The following MAN2A1 variants were observed in gnomAD, a reference collection of about 807,000 sequenced individuals.
MAN2A1 encodes alpha-mannosidase 2.
In MAN2A1, 76 loss-of-function variants were observed where a neutral mutation model predicts 142.6. That is an observed-to-expected ratio of 0.53 (90% CI 0.44 to 0.65). MAN2A1 has a LOEUF of 0.65. MAN2A1 is among the 30% of genes least tolerant of loss of function. The pLI is 0.00. For missense variants in MAN2A1, 1,311 were observed against 1,365.1 expected (o/e 0.96, Z 0.62); for synonymous variants, 559 against 473.2 (o/e 1.18, Z -2.35).
chr5:109,858,715 A>T (rs185713954), intron 20 of MAN2A1, among the ~76,000 whole-genome samples: 1 of 152,260 alleles, frequency 6.6e-6, no homozygotes, highest in African/African-American at 2.4e-5. Context: ...CCTTAGCATG[A>T]TAAGGACGCA....
At chr5:109,823,641 A>G (rs1561530336) in intron 15 of MAN2A1, 82 bp from the exon 16 acceptor site, 17 of 734,924 alleles carry the variant, frequency 2.3e-5, no homozygotes, top group South Asian at 6.5e-5. Flanking sequence ...CGTATTTTCT[A>G]TTTTTGAAAC....
intron 5 of MAN2A1, among the ~76,000 whole-genome samples, chr5:109,756,408 A>G (rs2112629150): frequency 6.6e-6 from 1 of 152,304 alleles, no homozygotes; most frequent in Non-Finnish European, 1.5e-5. Flanking sequence ...ATGTAAGTAT[A>G]TGTGTTTTTT....
chr5:109,758,018 T>C (rs527777521), intron 5 of MAN2A1, among the ~76,000 whole-genome samples: 1 of 152,252 alleles, frequency 6.6e-6, no homozygotes, highest in African/African-American at 2.4e-5. Context: ...TTTAAAAGTT[T>C]TTGTGTGACT....
intron 4 of MAN2A1, among the ~76,000 whole-genome samples, chr5:109,735,294 A>G (rs1159519378): frequency 6.6e-6 from 1 of 152,116 alleles, no homozygotes; most frequent in Non-Finnish European, 1.5e-5. Context: ...TTTCCTGAAT[A>G]CAGCACACTG....
chr5:109,841,807 C>T (rs1755212326), intron 16 of MAN2A1, among the ~76,000 whole-genome samples: 1 of 152,224 alleles, frequency 6.6e-6, no homozygotes. Flanking sequence ...GTTAATATTA[C>T]TTTCAGCCAT....
rs1264389084 is a variant in MAN2A1, at chr5:109,847,805, C to G, written c.2976+15C>G. 1 of 1,496,586 alleles carries G rather than the reference C, an allele frequency of 6.7e-7. No individual in the cohort carries two copies. Among genetic ancestry groups the G allele is most frequent in the Non-Finnish European group, 8.9e-7 (1 of 1,119,138 alleles). 92.7% of individuals were successfully genotyped at this position (1,496,586 alleles called of 1,614,324 possible). A position where few individuals can be genotyped will look rare whatever the true frequency, so the allele number is the denominator to read the frequency against. On this transcript the variant is annotated intron_variant, in intron 19 of 21. Coordinates refer to ENST00000261483, the MANE Select transcript of MAN2A1 (RefSeq NM_002372.4). ...CTGTTAATACGGTATGAAAAAATAA[C>G]TAGCATGATCTGATATTGATTGTTC...
chr5:109,841,175 G>A (rs1755193369), intron 16 of MAN2A1, among the ~76,000 whole-genome samples: 2 of 152,150 alleles, frequency 1.3e-5, no homozygotes, highest in Admixed American at 6.5e-5. Flanking sequence ...GGTTATTGGG[G>A]TACAGGTGGT....
At chr5:109,822,487 G>T (rs748333598) in intron 15 of MAN2A1, among the ~76,000 whole-genome samples, 1 of 151,852 alleles carries the variant, frequency 6.6e-6, no homozygotes, top group African/African-American at 2.4e-5. Flanking sequence ...AGGGAAAGAG[G>T]CAGTCTAGTG....
At chr5:109,754,746 A>G (rs1057491749) in intron 4 of MAN2A1, among the ~76,000 whole-genome samples, 3 of 152,230 alleles carry the variant, frequency 2.0e-5, no homozygotes, top group African/African-American at 7.2e-5. Flanking sequence ...TCACGCCTGT[A>G]ATCCCAGCAC....
chr5:109,791,972 T>G (rs1373624957), intron 12 of MAN2A1, among the ~76,000 whole-genome samples: 1 of 152,144 alleles, frequency 6.6e-6, no homozygotes, highest in African/African-American at 2.4e-5. Flanking sequence ...CATTAGTACA[T>G]GTTGATATGC....
intron 19 of MAN2A1, 122 bp from the exon 20 acceptor site, chr5:109,855,018 A>T (rs1279952056): frequency 2.1e-6 from 1 of 482,466 alleles, no homozygotes; most frequent in Admixed American, 4.2e-5. Flanking sequence ...ACTGTTATTT[A>T]TAAAATGTAA....
At chr5:109,736,885 A>G (rs886461463) in intron 4 of MAN2A1, among the ~76,000 whole-genome samples, 7 of 152,102 alleles carry the variant, frequency 4.6e-5, no homozygotes, top group African/African-American at 1.7e-4. Flanking sequence ...CCTTTTAGCA[A>G]TAGTCTGACT....
At chr5:109,864,376 C>G (rs1027964683) in intron 20 of MAN2A1, 6 of 152,174 alleles carry the variant, frequency 3.9e-5, no homozygotes, top group African/African-American at 1.2e-4. Flanking sequence ...TATACTGACC[C>G]TCTTAGCTGA....
chr5:109,733,551 A>T (rs944290867), intron 4 of MAN2A1, among the ~76,000 whole-genome samples: 8 of 152,134 alleles, frequency 5.3e-5, no homozygotes, highest in Admixed American at 2.6e-4. Context: ...TACCTAATTT[A>T]TTGAGAGTTT....
In MAN2A1 at chr5:109,781,429, G is replaced by A; in HGVS notation, c.1408G>A (p.Ala470Thr). The A allele has an allele frequency of 1.9e-6, 3 of 1,607,678 alleles. No homozygotes were observed. The African/African-American group carries it at 4.0e-5, about 22-fold the overall frequency. ...TGGAACTTTATCAGATTTTTTTGAT[G>A]CGCTGGATAAAGCAGATGAAACTCA... ...QFGTLSDFFD[A>T]LDKADETQRD... is the part of the protein sequence containing the mutation. The change falls in exon 9 of 22, where the codon GCG (alanine) becomes ACG (threonine). Residue 470 changes from alanine to threonine, a missense_variant. Physicochemically the swap from Ala to Thr is moderately conservative, Grantham distance 58. This residue lies in a region of MAN2A1 where 890 missense variants were observed against 920.5 expected (regional missense o/e 0.97). Transcript: ENST00000261483.
chr5:109,786,300 G>A (rs1171601635), intron 10 of MAN2A1, among the ~76,000 whole-genome samples: 1 of 151,956 alleles, frequency 6.6e-6, no homozygotes, highest in East Asian at 1.9e-4. Flanking sequence ...GAGTTTAAAA[G>A]TGAGACTGCT....
intron 21 of MAN2A1, 145 bp from the exon 22 acceptor site, chr5:109,866,701 A>G: frequency 1.8e-6 from 1 of 545,490 alleles, no homozygotes; most frequent in Non-Finnish European, 3.3e-6. Context: ...ACATATATGT[A>G]TATTTAATCC....
chr5:109,802,233 C>A (rs1211464353), intron 12 of MAN2A1, among the ~76,000 whole-genome samples: 2 of 152,106 alleles, frequency 1.3e-5, no homozygotes, highest in Non-Finnish European at 2.9e-5. Flanking sequence ...TACCTGAAAT[C>A]TTCAGGGGTA....
At position 109,817,254 on chromosome 5, in the gene MAN2A1, G is replaced by A; in HGVS notation, c.1944-19G>A. The A allele has an allele frequency of 3.1e-6, 5 of 1,610,460 alleles. No individual in the cohort carries two copies. The highest frequency in any genetic ancestry group is 4.2e-6 in the Non-Finnish European group (5 of 1,177,798). Reference sequence around the variant, plus strand: ...AAAAATATTTTGAGATCCCAATAATGAAGCAGCTGTTTTTGCAGGTACCTT... The same window carrying A: ...AAAAATATTTTGAGATCCCAATAATAAAGCAGCTGTTTTTGCAGGTACCTT... On this transcript the variant is annotated intron_variant, in intron 12 of 21. Transcript: ENST00000261483.
Sources: gnomAD v4.1 joint callset for allele counts (sites outside exome capture counted in the v4.1 genomes callset) on GRCh38, gnomAD v4.1.1 for gene constraint, gnomAD v4.1.1 regional missense constraint, MANE v1.5 for transcripts, NCBI Gene and HGNC (gene_info 2026-07-23, HGNC 2026-07-21) for gene names.